Variants in ICA1 observed in about 807,000 individuals in gnomAD.
The protein encoded by ICA1 is islet cell autoantigen 1, also known as 69 kDa islet cell autoantigen.
In ICA1, 40 loss-of-function variants were observed where a neutral mutation model predicts 71.0. That is an observed-to-expected ratio of 0.56 (90% CI 0.44 to 0.73). ICA1 has a LOEUF of 0.73. Ranked by LOEUF, ICA1 falls within the 30% of genes least tolerant of loss-of-function variation. The pLI is 0.00. For synonymous variants in ICA1, 207 were observed against 209.5 expected, an observed-to-expected ratio of 0.99 and a Z score of 0.10; for missense variants, 578 against 576.5, an observed-to-expected ratio of 1.00 and a Z score of -0.03.
intron 8 of ICA1, among the ~76,000 whole-genome samples, chr7:8,155,610 T>C (rs1801218445): frequency 6.6e-6 from 1 of 152,216 alleles, no homozygotes; most frequent in Non-Finnish European, 1.5e-5. Flanking sequence ...TAATGTACAG[T>C]TGTCTTGTAA....
At position 8,209,591 on chromosome 7, in the gene ICA1, T is replaced by C. The variant is rs571895849; in HGVS notation, c.579+8714A>G. On this transcript the variant is annotated intron_variant, in intron 6 of 13. Transcript: ENST00000402384. Reference sequence around the variant, plus strand: ...GATTTTACACATTCTTGAACCCCAATTGCATAATAATTAAGCCTATTTATT... The same window carrying C: ...GATTTTACACATTCTTGAACCCCAACTGCATAATAATTAAGCCTATTTATT... Among the ~76,000 whole-genome samples the C allele has an allele frequency of 3.9e-5, 6 of 152,350 alleles. No individual in the cohort carries two copies. In the East Asian group the frequency reaches 7.7e-4, roughly 20 times the overall value.
chr7:8,230,987 TG>T (rs1800100911), intron 3 of ICA1, among the ~76,000 whole-genome samples: 1 of 151,882 alleles, frequency 6.6e-6, no homozygotes, highest in South Asian at 2.1e-4. Flanking sequence ...GGAGGGAAGG[TG>T]GGCAAACAGA....
chr7:8,129,773 T>G (rs1008332549), intron 12 of ICA1, among the ~76,000 whole-genome samples: 2 of 152,040 alleles, frequency 1.3e-5, no homozygotes, highest in Non-Finnish European at 2.9e-5. Context: ...TACATATGTA[T>G]ACATGTGCCA....
chr7:8,183,866 T>C (rs1214680006), intron 6 of ICA1, among the ~76,000 whole-genome samples: 1 of 152,176 alleles, frequency 6.6e-6, no homozygotes, highest in Non-Finnish European at 1.5e-5. Flanking sequence ...ATCTCTACTC[T>C]TAAGGAAATT....
intron 1 of ICA1, among the ~76,000 whole-genome samples, chr7:8,249,951 G>A (rs1390414876): frequency 6.6e-6 from 1 of 152,200 alleles, no homozygotes; most frequent in African/African-American, 2.4e-5. Context: ...AGATGAGGAA[G>A]AACTGAATAA....
intron 6 of ICA1, among the ~76,000 whole-genome samples, chr7:8,188,172 G>T (rs1337485093): frequency 6.6e-6 from 1 of 152,146 alleles, no homozygotes; most frequent in African/African-American, 2.4e-5. Context: ...GAAAAGAAAA[G>T]ATTTTCCAGT....
chr7:8,244,137 C>T (rs1805019949), intron 1 of ICA1, among the ~76,000 whole-genome samples: 1 of 152,212 alleles, frequency 6.6e-6, no homozygotes, highest in Non-Finnish European at 1.5e-5. Flanking sequence ...CTGGAGGCAT[C>T]ACGCTACCTG....
chr7:8,124,612 C>G (rs962900650), intron 13 of ICA1, among the ~76,000 whole-genome samples: 1 of 152,138 alleles, frequency 6.6e-6, no homozygotes, highest in Non-Finnish European at 1.5e-5. Flanking sequence ...TGAAGGATCC[C>G]TGAACTGGGA....
intron 6 of ICA1, among the ~76,000 whole-genome samples, chr7:8,210,781 C>T (rs1182664565): frequency 2.6e-5 from 4 of 152,134 alleles, no homozygotes; most frequent in African/African-American, 9.7e-5. Context: ...GTGGCGTGAT[C>T]ATGGCTTACT....
At chr7:8,205,822 T>C (rs188359651) in intron 6 of ICA1, among the ~76,000 whole-genome samples, 7 of 152,132 alleles carry the variant, frequency 4.6e-5, no homozygotes, top group African/African-American at 1.7e-4. Flanking sequence ...TTAAACAGCA[T>C]GAATAAGAAA....
At chr7:8,162,177 T>C (rs1401615615) in intron 6 of ICA1, among the ~76,000 whole-genome samples, 1 of 152,242 alleles carries the variant, frequency 6.6e-6, no homozygotes, top group Non-Finnish European at 1.5e-5. Flanking sequence ...TTTCACTTGC[T>C]ATAACACAAA....
intron 12 of ICA1, among the ~76,000 whole-genome samples, chr7:8,133,660 G>A (rs558995008): frequency 2.6e-5 from 4 of 152,238 alleles, no homozygotes; most frequent in Admixed American, 6.5e-5. Flanking sequence ...CTGACTACTG[G>A]CTAAAGTAAC....
chr7:8,203,974 A>T (rs909726901), intron 6 of ICA1, among the ~76,000 whole-genome samples: 1 of 152,118 alleles, frequency 6.6e-6, no homozygotes, highest in Non-Finnish European at 1.5e-5. Flanking sequence ...TTCACCTCAA[A>T]AAACGACTCC....
At chr7:8,152,218 G>C (rs762949121) in intron 8 of ICA1, among the ~76,000 whole-genome samples, 1 of 152,024 alleles carries the variant, frequency 6.6e-6, no homozygotes, top group Non-Finnish European at 1.5e-5. Context: ...GATCTGGCCA[G>C]ACCTCCTGTC....
chr7:8,180,837 C>CTTTT (rs571384468), intron 6 of ICA1, among the ~76,000 whole-genome samples: 3 of 143,790 alleles, frequency 2.1e-5, no homozygotes, highest in African/African-American at 7.6e-5. Context: ...GTCTCTCTCT[C>CTTTT]TTTTTTTTTT....
intron 3 of ICA1, among the ~76,000 whole-genome samples, chr7:8,229,241 A>T (rs947381019): frequency 2.0e-5 from 3 of 152,138 alleles, no homozygotes; most frequent in African/African-American, 7.2e-5. Flanking sequence ...AGTCCCCATC[A>T]CTCCTTATTT....
At chr7:8,160,881 T>C (rs1201570533) in intron 6 of ICA1, among the ~76,000 whole-genome samples, 1 of 152,084 alleles carries the variant, frequency 6.6e-6, no homozygotes, top group Non-Finnish European at 1.5e-5. Context: ...CTGCCTCCCT[T>C]TGAGAGGAAT....
At chr7:8,149,140 G>A (rs1797996293) in intron 8 of ICA1, among the ~76,000 whole-genome samples, 1 of 152,206 alleles carries the variant, frequency 6.6e-6, no homozygotes, top group Admixed American at 6.5e-5. Flanking sequence ...TATAGACGAG[G>A]CAGCCATCAG....
intron 3 of ICA1, among the ~76,000 whole-genome samples, chr7:8,230,433 A>G (rs1165687800): frequency 6.6e-6 from 1 of 152,170 alleles, no homozygotes; most frequent in Non-Finnish European, 1.5e-5. Context: ...TGTATATTTC[A>G]TGGATGGAAT....
Sources: allele counts gnomAD v4.1 joint callset (sites outside exome capture counted in the v4.1 genomes callset), GRCh38; gene constraint gnomAD v4.1.1; transcripts MANE v1.5; gene names NCBI Gene and HGNC (gene_info 2026-07-23, HGNC 2026-07-21).